Variants in ZNF783 observed in about 807,000 individuals in gnomAD.
The protein encoded by ZNF783 is protein ZNF783.
In ZNF783, 25 loss-of-function variants were observed where a neutral mutation model predicts 31.3. The ratio of observed to expected loss-of-function variants is 0.80; its 90% confidence interval spans 0.58 to 1.11. The LOEUF (loss-of-function observed/expected upper bound fraction) is 1.11. ZNF783 is among the 50% of genes most tolerant of loss of function. The pLI, the probability that ZNF783 is intolerant of heterozygous loss-of-function variation, is 0.00. For missense variants in ZNF783, 797 were observed against 760.0 expected (o/e 1.05, Z -0.57); for synonymous variants, 369 against 319.1 (o/e 1.16, Z -1.66).
chr7:149,271,845 A>C (rs1797217866), intron 4 of ZNF783, among the ~76,000 whole-genome samples: 2 of 152,170 alleles, frequency 1.3e-5, no homozygotes, highest in African/African-American at 4.8e-5. Context: ...TTATGTACAG[A>C]TCTTCCTCAG....
At chr7:149,263,177 C>G (rs1263580060) in intron 1 of ZNF783, among the ~76,000 whole-genome samples, 1 of 151,802 alleles carries the variant, frequency 6.6e-6, no homozygotes, top group African/African-American at 2.4e-5. Context: ...TCTGCCCGCC[C>G]CGGCCTCCCA....
rs2129525140 is a variant in ZNF783 at position 149,278,490 on chromosome 7, C to T, written c.765C>T (p.Asp255=). 3 of 1,599,336 alleles carry T rather than the reference C, an allele frequency of 1.9e-6. No homozygotes were observed. Among genetic ancestry groups the T allele is most frequent in the Non-Finnish European group, 1.7e-6 (2 of 1,179,772 alleles). ...GGCAGGCCCCCAAGCAGCAGCAGGA[C>T]TCAGAGGCGAGAGTGGCCCCAGCCG... is the stretch of plus-strand genomic sequence containing the variant. The part of the protein sequence containing the change: ...KEGQAPKQQQ[D]SEARVAPAGP... Residue 255 remains aspartate (D), a synonymous_variant, in exon 5 of 6, where the codon GAC becomes GAT. Coordinates refer to ENST00000434415, the MANE Select transcript of ZNF783 (RefSeq NM_001195220.2).
chr7:149,279,632 GTTTTTTTTTTTTTTTTTTTTTTAA>G (rs1399540548), intron 5 of ZNF783, among the ~76,000 whole-genome samples: 1 of 100,342 alleles, frequency 1.0e-5, no homozygotes, highest in Non-Finnish European at 2.0e-5. Flanking sequence ...TTTTATCTTT[GTTTTTTTTTTTTTTTTTTTTTTAA>G]TTTTTTTTTT....
intron 1 of ZNF783, among the ~76,000 whole-genome samples, chr7:149,265,349 G>A (rs755340254): frequency 6.7e-6 from 1 of 148,676 alleles, no homozygotes; most frequent in East Asian, 1.9e-4. Context: ...TAAAAGAGGT[G>A]GAGGTTAAAA....
chr7:149,281,505 G>A lies in ZNF783; in HGVS notation c.803G>A (p.Gly268Asp). ...AAACCAACATAGACTCCTTTGCCAG[G>A]TGGTGGTGTGGCCATCAAGACAGAG... Reference protein sequence around the residue: ...ARVAPAGPEAGGGVAIKTEAQ... With the variant: ...ARVAPAGPEADGGVAIKTEAQ... The change falls in exon 6 of 6, where the codon GGT becomes GAT. Residue 268 changes from glycine to aspartate, a missense_variant and splice_region_variant. Gly to Asp is a moderately conservative substitution (Grantham distance 94). Transcript: ENST00000434415. 1 of 1,439,218 alleles carries A rather than the reference G, an allele frequency of 6.9e-7. No individual in the cohort carries two copies. Among genetic ancestry groups the A allele is most frequent in the Non-Finnish European group, 9.1e-7 (1 of 1,102,912 alleles). 89.2% of individuals were successfully genotyped at this position (1,439,218 alleles called of 1,614,324 possible).
chr7:149,263,310 A>G (rs76973317), intron 1 of ZNF783, among the ~76,000 whole-genome samples: 2,663 of 79,148 alleles, frequency 0.034, 30 homozygotes, highest in Middle Eastern at 0.075. Context: ...GTGTGTATAT[A>G]TATATATATA....
Position 149,266,743 on chromosome 7 carries a change from C to T in ZNF783, c.420+13C>T, listed in dbSNP as rs561624304. The T allele has an allele frequency of 9.3e-6, 15 of 1,613,500 alleles. No individual in the cohort carries two copies. Among genetic ancestry groups the T allele is most frequent in the Admixed American group, 8.3e-5 (5 of 60,014 alleles). On this transcript the variant is annotated intron_variant, in intron 2 of 5. Transcript: ENST00000434415. ...GGAGGCCCCCAAGGTAGCACCGGGA[C>T]ACCCTGGGGTGGGGGAGCTCGAGGG...
At chr7:149,267,864 G>A (rs977981111) in intron 4 of ZNF783, among the ~76,000 whole-genome samples, 2 of 152,082 alleles carry the variant, frequency 1.3e-5, no homozygotes, top group Admixed American at 6.5e-5. Flanking sequence ...GCATCTTCAC[G>A]TGTGTCCATG....
chr7:149,266,349 C>G lies in ZNF783; in HGVS notation c.39C>G (p.Asp13Glu). 1 of 1,584,002 alleles carries G rather than the reference C, an allele frequency of 6.3e-7. No homozygotes were observed. The highest frequency in any genetic ancestry group is 8.5e-7 in the Non-Finnish European group (1 of 1,171,920). ...CTTGTGAGCAGGACCCCGAGACAGA[C>G]AAGCACACAGAGGACCAGAGTCCTT... ...EAAPARDPET[D>E]KHTEDQSPST... Residue 13 changes from aspartate (D) to glutamate (E), a missense_variant, in exon 2 of 6, where the codon GAC (aspartate) becomes GAG (glutamate). Asp to Glu is a conservative substitution (Grantham distance 45). Coordinates refer to ENST00000434415, the MANE Select transcript of ZNF783 (RefSeq NM_001195220.2).
chr7:149,278,218 A>G (rs761799410), intron 4 of ZNF783, 181 bp from the exon 5 acceptor site: 4 of 1,402,998 alleles, frequency 2.9e-6, no homozygotes, highest in Admixed American at 5.8e-5. Context: ...TCTGTGGGAC[A>G]TGAGGCTTTA....
Position 149,266,919 on chromosome 7 carries a change from G to A in ZNF783, c.521G>A (p.Gly174Asp), listed in dbSNP as rs1797087769. Reference sequence around the variant, plus strand: ...GAGCTCTACAAGCACGTGATGAGGGGCAACTACGAGACGCTGGTCTCCCTG... The same window carrying A: ...GAGCTCTACAAGCACGTGATGAGGGACAACTACGAGACGCTGGTCTCCCTG... ...QKELYKHVMR[G>D]NYETLVSLDY... Residue 174 changes from glycine (G) to aspartate (D), a missense_variant, in exon 3 of 6, where the codon GGC becomes GAC. By Grantham distance (94) the Gly-to-Asp change is moderately conservative. Coordinates refer to ENST00000434415, the MANE Select transcript of ZNF783 (RefSeq NM_001195220.2). 6.2e-7 allele frequency: 1 copy of A among 1,614,016 alleles called. No individual in the cohort carries two copies. The highest frequency in any genetic ancestry group is 1.3e-5 in the African/African-American group (1 of 74,906).
rs1220203729 is a variant in ZNF783 at position 149,281,869 on chromosome 7, C to G, written c.1167C>G (p.Asp389Glu). 1.5e-5 allele frequency: 23 copies of G among 1,502,656 alleles called. No individual in the cohort carries two copies. The highest frequency in any genetic ancestry group is 1.9e-5 in the Non-Finnish European group (22 of 1,133,996). The allele number at this position is 1,502,656 out of a possible 1,614,324, so 93.1% of individuals were successfully genotyped here. Residue 389 changes from aspartate to glutamate, a missense_variant, in exon 6 of 6, where the codon GAC becomes GAG. Coordinates refer to ENST00000434415, the MANE Select transcript of ZNF783 (RefSeq NM_001195220.2). ...GCCGCTCGCCCACCAGCTGCGGGGA[C>G]AGCCAGGCCATGCTGGAGCCGGGGG... The part of the protein sequence containing the change: ...APGRSPTSCG[D>E]SQAMLEPGEV...
intron 3 of ZNF783, 67 bp from the exon 4 acceptor site, chr7:149,267,030 T>G: frequency 6.2e-7 from 1 of 1,610,954 alleles, no homozygotes; most frequent in Non-Finnish European, 8.5e-7. Context: ...TTTGGTACTT[T>G]GGGCATCTCT....
rs922731374 is a variant in ZNF783 at position 149,266,514 on chromosome 7, G to A, written c.204G>A (p.Glu68=). The A allele has an allele frequency of 5.6e-6, 9 of 1,613,904 alleles. No individual in the cohort carries two copies. The highest frequency in any genetic ancestry group is 4.5e-5 in the East Asian group (2 of 44,896). The change falls in exon 2 of 6, where the codon GAG becomes GAA. Residue 68 remains glutamate, a synonymous_variant. Transcript: ENST00000434415. ...GCCTGACCCGCTTGCTGACTCTGGA[G>A]GGGCGCACGGGGACAGCCGAGAAGA... ...DSCLTRLLTL[E]GRTGTAEKKL...
rs1334598822 is a variant in ZNF783, at chr7:149,262,252, G to C, written c.-82G>C. The C allele has an allele frequency of 1.6e-6, 2 of 1,249,684 alleles. No homozygotes were observed. The highest frequency in any genetic ancestry group is 3.5e-5 in the African/African-American group (2 of 56,818). The allele number at this position is 1,249,684 out of a possible 1,614,324, so 77.4% of individuals were successfully genotyped here. On this transcript the variant is annotated 5_prime_UTR_variant, in exon 1 of 6. Coordinates refer to ENST00000434415, the MANE Select transcript of ZNF783 (RefSeq NM_001195220.2). ...TCTCAGGTTAGGCGGGTCCCGCTCC[G>C]CTTCCGCCGTCGCTGCCGCGCCGCC...
Position 149,262,283 on chromosome 7 carries a change from C to T in ZNF783, c.-51C>T. 1 of 1,334,864 alleles carries T rather than the reference C, an allele frequency of 7.5e-7. No homozygotes were observed. The highest frequency in any genetic ancestry group is 9.6e-7 in the Non-Finnish European group (1 of 1,039,980). The allele number at this position is 1,334,864 out of a possible 1,614,324, so 82.7% of individuals were successfully genotyped here. ...GCCGTCGCTGCCGCGCCGCCCCGGGCCCGACAGGCCGGGTCCAGGGACTGC... is the reference window on the plus strand; with the variant it reads ...GCCGTCGCTGCCGCGCCGCCCCGGGTCCGACAGGCCGGGTCCAGGGACTGC... On this transcript the variant is annotated 5_prime_UTR_variant, in exon 1 of 6. Coordinates refer to ENST00000434415, the MANE Select transcript of ZNF783 (RefSeq NM_001195220.2).
chr7:149,266,044 C>A (rs1797055428), intron 1 of ZNF783, among the ~76,000 whole-genome samples: 1 of 152,190 alleles, frequency 6.6e-6, no homozygotes, highest in Admixed American at 6.5e-5. Flanking sequence ...TTGCTCAAGC[C>A]TGTGGGGCAT....
chr7:149,282,481 T>C lies in ZNF783; in HGVS notation c.*138T>C. ...GAAGCTAGCTGCCCTTCTGGTGACA[T>C]TGTGTGTGACCGGGTGCTTTCTGTT... On this transcript the variant is annotated 3_prime_UTR_variant, in exon 6 of 6. Transcript: ENST00000434415. 1.3e-6 allele frequency: 1 copy of C among 759,372 alleles called. No individual in the cohort carries two copies. Among genetic ancestry groups the C allele is most frequent in the Non-Finnish European group, 2.0e-6 (1 of 492,384 alleles). 47.0% of individuals were successfully genotyped at this position (759,372 alleles called of 1,614,324 possible).
intron 4 of ZNF783, among the ~76,000 whole-genome samples, chr7:149,272,295 G>A (rs759905058): frequency 4.6e-5 from 7 of 152,172 alleles, no homozygotes; most frequent in Non-Finnish European, 1.0e-4. Flanking sequence ...GATTACATAT[G>A]AGCCACTGTG....
Sources: gnomAD v4.1 joint callset for allele counts (sites outside exome capture counted in the v4.1 genomes callset) on GRCh38, gnomAD v4.1.1 for gene constraint, MANE v1.5 for transcripts, NCBI Gene and HGNC (gene_info 2026-07-23, HGNC 2026-07-21) for gene names.